Variants in LEAP2 observed in about 807,000 individuals in gnomAD.
The protein encoded by LEAP2 is liver-expressed antimicrobial peptide 2.
In LEAP2, 13 loss-of-function variants were observed where a neutral mutation model predicts 9.3. The ratio of observed to expected loss-of-function variants is 1.39; its 90% CI spans 0.91 to 2.21. The LOEUF is 2.21. Ranked by LOEUF, LEAP2 falls within the 30% of genes most tolerant of loss-of-function variation. The pLI is 0.00. For synonymous variants in LEAP2, 34 were observed against 34.9 expected (o/e 0.98, Z 0.09); for missense variants, 98 against 94.0 (o/e 1.04, Z -0.17).
chr5:132,873,687 CT>C lies in LEAP2; in HGVS notation c.-7del. 6.3e-7 allele frequency: 1 copy of C among 1,592,628 alleles called. No homozygotes were observed. ...GCTTTCAGGCTCCAACATCCTCCCCCTGTCAAGATGTGGCACCTCAAACTTT... is the reference window on the plus strand; with the variant it reads ...GCTTTCAGGCTCCAACATCCTCCCCCGTCAAGATGTGGCACCTCAAACTTT... On this transcript the variant is annotated 5_prime_UTR_variant, in exon 1 of 3. Coordinates refer to ENST00000296877, the MANE Select transcript of LEAP2 (RefSeq NM_052971.3).
chr5:132,873,864 A>G, intron 1 of LEAP2, 86 bp from the exon 2 acceptor site: 1 of 1,591,634 alleles, frequency 6.3e-7, no homozygotes, highest in Non-Finnish European at 8.6e-7. Flanking sequence ...CTGAGTCTAC[A>G]GCATCTGCGG....
At chr5:132,874,167 G>A (rs1448029560) in intron 2 of LEAP2, 78 bp downstream of exon 2, 2 of 1,448,050 alleles carry the variant, frequency 1.4e-6, no homozygotes, top group South Asian at 1.3e-5. Context: ...GGGGACACAT[G>A]AACCTAAGAA....
In LEAP2 at chr5:132,874,458, G is replaced by A; in HGVS notation, c.*12G>A. ...TGGCCCAGGAATGATGTACATACCA[G>A]GGAAAGAAAGGACAGCAGTCACCTC... On this transcript the variant is annotated 3_prime_UTR_variant, in exon 3 of 3. Transcript: ENST00000296877. 1.2e-6 allele frequency: 2 copies of A among 1,611,516 alleles called. No individual in the cohort carries two copies. The highest frequency in any genetic ancestry group is 1.7e-6 in the Non-Finnish European group (2 of 1,177,676).
At position 132,873,964 on chromosome 5, in the gene LEAP2, A is replaced by G; in HGVS notation, c.72A>G (p.Pro24=). Residue 24 remains proline (P), a synonymous_variant, in exon 2 of 3, where the codon CCA becomes CCG. Transcript: ENST00000296877. ...TGCCCTTACAGATAGATGGCTCCCC[A>G]ATACCAGAAGTGAGTTCGGCAAAGA... The part of the protein sequence containing the change: ...LLLLGQIDGS[P]IPEVSSAKRR... 6.2e-7 allele frequency: 1 copy of G among 1,614,170 alleles called. No homozygotes were observed.
chr5:132,874,173 A>C lies in LEAP2; in HGVS notation c.197+84A>C, dbSNP rs1173056208. 2.1e-6 allele frequency: 3 copies of C among 1,429,962 alleles called. No individual in the cohort carries two copies. In the African/African-American group the frequency reaches 4.3e-5, roughly 20 times the overall value. 88.6% of individuals were successfully genotyped at this position (1,429,962 alleles called of 1,614,324 possible). A position where few individuals can be genotyped will look rare whatever the true frequency, so the allele number is the denominator to read the frequency against. ...GAGTGACAAGGGGACACATGAACCT[A>C]AGAATAAAGCTGGGATGGAGGAGTT... On this transcript the variant is annotated intron_variant, in intron 2 of 2. Coordinates refer to ENST00000296877, the MANE Select transcript of LEAP2 (RefSeq NM_052971.3).
At position 132,874,596 on chromosome 5, in the gene LEAP2, T is replaced by C. The variant is rs1191622717; in HGVS notation, c.*150T>C. 1.4e-6 allele frequency: 1 copy of C among 737,178 alleles called. No individual in the cohort carries two copies. Among genetic ancestry groups the C allele is most frequent in the Non-Finnish European group, 2.4e-6 (1 of 410,822 alleles). 45.7% of individuals were successfully genotyped at this position (737,178 alleles called of 1,614,324 possible). A position where few individuals can be genotyped will look rare whatever the true frequency, so the allele number is the denominator to read the frequency against. On this transcript the variant is annotated 3_prime_UTR_variant, in exon 3 of 3. Coordinates refer to ENST00000296877, the MANE Select transcript of LEAP2 (RefSeq NM_052971.3). ...AAGGCAGATGTACGCTTTAAATTGG[T>C]CTCCATTTCTTCTTAGAATGTTGAT...
chr5:132,874,274 GA>G (rs1759785298), intron 2 of LEAP2, 135 bp from the exon 3 acceptor site: 2 of 977,284 alleles, frequency 2.0e-6, no homozygotes, highest in Non-Finnish European at 3.2e-6. Context: ...TGGGTACCAT[GA>G]AAGAGTGGTG....
chr5:132,873,995 C>T lies in LEAP2; in HGVS notation c.103C>T (p.Pro35Ser). Reference protein sequence around the residue: ...IPEVSSAKRRPRRMTPFWRGV... With the variant: ...IPEVSSAKRRSRRMTPFWRGV... Reference sequence around the variant, plus strand: ...AGAAGTGAGTTCGGCAAAGAGAAGGCCACGGAGAATGACCCCATTTTGGAG... The same window carrying T: ...AGAAGTGAGTTCGGCAAAGAGAAGGTCACGGAGAATGACCCCATTTTGGAG... Residue 35 changes from proline to serine, a missense_variant, in exon 2 of 3, where the codon CCA becomes TCA. Pro to Ser is a moderately conservative substitution (Grantham distance 74). Transcript: ENST00000296877. The T allele has an allele frequency of 6.2e-7, 1 of 1,614,102 alleles. No individual in the cohort carries two copies. The highest frequency in any genetic ancestry group is 8.5e-7 in the Non-Finnish European group (1 of 1,179,988).
At position 132,874,635 on chromosome 5, in the gene LEAP2, T is replaced by C. The variant is rs919679681; in HGVS notation, c.*189T>C. The C allele has an allele frequency of 2.2e-5, 15 of 676,090 alleles. No homozygotes were observed. Among genetic ancestry groups the C allele is most frequent in the African/African-American group, 2.0e-4 (11 of 55,900 alleles). 41.9% of individuals were successfully genotyped at this position (676,090 alleles called of 1,614,324 possible). The stretch of plus-strand genomic sequence containing the variant: ...TAGAATGTTGATATATGGATAAGCA[T>C]AACTAAACTTGTCAATTTAGAGTTT... On this transcript the variant is annotated 3_prime_UTR_variant, in exon 3 of 3. Coordinates refer to ENST00000296877, the MANE Select transcript of LEAP2 (RefSeq NM_052971.3).
chr5:132,874,595 GT>G lies in LEAP2; in HGVS notation c.*150del, dbSNP rs1320226101. On this transcript the variant is annotated 3_prime_UTR_variant, in exon 3 of 3. Transcript: ENST00000296877. ...AAAGGCAGATGTACGCTTTAAATTG[GT>G]CTCCATTTCTTCTTAGAATGTTGAT... 2.7e-6 allele frequency: 2 copies of G among 741,916 alleles called. No individual in the cohort carries two copies. The highest frequency in any genetic ancestry group is 4.8e-6 in the Non-Finnish European group (2 of 414,880). The allele number at this position is 741,916 out of a possible 1,614,324, so 46.0% of individuals were successfully genotyped here.
At position 132,874,405 on chromosome 5, in the gene LEAP2, C is replaced by G; in HGVS notation, c.198-5C>G. The G allele has an allele frequency of 6.2e-7, 1 of 1,613,122 alleles. No individual in the cohort carries two copies. The highest frequency in any genetic ancestry group is 8.5e-7 in the Non-Finnish European group (1 of 1,179,124). On this transcript the variant is annotated splice_region_variant and splice_polypyrimidine_tract_variant and intron_variant, in intron 2 of 2. Coordinates refer to ENST00000296877, the MANE Select transcript of LEAP2 (RefSeq NM_052971.3). ...CTTAAAAAACTACCCTTTCTTTTCC[C>G]CTAGAAAAAGACGCTGTTCCTTAAG...
rs753589859 is a variant in LEAP2, at chr5:132,874,445, G to A, written c.233G>A (p.Ter78=). 24 of 1,613,448 alleles carry A rather than the reference G, an allele frequency of 1.5e-5. No individual in the cohort carries two copies. The South Asian group carries it at 2.6e-4, about 18-fold the overall frequency. Reference sequence around the variant, plus strand: ...TGTTCCTTAAGTGTGGCCCAGGAATGATGTACATACCAGGGAAAGAAAGGA... The same window carrying A: ...TGTTCCTTAAGTGTGGCCCAGGAATAATGTACATACCAGGGAAAGAAAGGA... ...RRCSLSVAQE[*] Residue 78 remains the stop codon, a stop_retained_variant, in exon 3 of 3, where the codon TGA becomes TAA. Coordinates refer to ENST00000296877, the MANE Select transcript of LEAP2 (RefSeq NM_052971.3).
rs1190183915 is a variant in LEAP2, at chr5:132,874,731, AAAG to A, written c.*289_*291del. ...AGTCTGGAATTCAAGCTTTTGAGGGAAAGAAGGATTCATTTTGTATACTAAAGA... is the reference window on the plus strand; with the variant it reads ...AGTCTGGAATTCAAGCTTTTGAGGGAAAGGATTCATTTTGTATACTAAAGA... On this transcript the variant is annotated 3_prime_UTR_variant, in exon 3 of 3. Coordinates refer to ENST00000296877, the MANE Select transcript of LEAP2 (RefSeq NM_052971.3). The A allele has an allele frequency of 3.7e-6, 2 of 545,658 alleles. No individual in the cohort carries two copies. Among genetic ancestry groups the A allele is most frequent in the Non-Finnish European group, 6.6e-6 (2 of 304,644 alleles). 33.8% of individuals were successfully genotyped at this position (545,658 alleles called of 1,614,324 possible).
intron 1 of LEAP2, 71 bp from the exon 2 acceptor site, chr5:132,873,879 G>C (rs1759776034): frequency 6.2e-7 from 1 of 1,600,774 alleles, no homozygotes; most frequent in African/African-American, 1.3e-5. Context: ...CTGCGGAATG[G>C]AATGATCACT....
rs771579408 is a variant in LEAP2, at chr5:132,874,070, T to G, written c.178T>G (p.Cys60Gly). ...IGASCRDDSE[C>G]ITRLCRKRRC... ...AGCCTCCTGCCGGGATGATTCTGAG[T>G]GTATCACAAGGCTATGCAGGTACTC... is the stretch of plus-strand genomic sequence containing the variant. The change falls in exon 2 of 3, where the codon TGT (cysteine) becomes GGT (glycine). Residue 60 changes from cysteine (C) to glycine (G), a missense_variant. By Grantham distance (159) the Cys-to-Gly change is radical. Coordinates refer to ENST00000296877, the MANE Select transcript of LEAP2 (RefSeq NM_052971.3). The G allele has an allele frequency of 6.2e-7, 1 of 1,613,792 alleles. No individual in the cohort carries two copies. Among genetic ancestry groups the G allele is most frequent in the East Asian group, 2.2e-5 (1 of 44,854 alleles).
At chr5:132,873,821 C>G in intron 1 of LEAP2, 70 bp downstream of exon 1, 2 of 1,575,962 alleles carry the variant, frequency 1.3e-6, no homozygotes, top group Non-Finnish European at 1.7e-6. Flanking sequence ...AACTTGAAAG[C>G]TAGATTCAGT....
At chr5:132,873,878 G>A (rs982640056) in intron 1 of LEAP2, 72 bp from the exon 2 acceptor site, 60 of 1,599,728 alleles carry the variant, frequency 3.8e-5, no homozygotes, top group Middle Eastern at 3.3e-4. Flanking sequence ...TCTGCGGAAT[G>A]GAATGATCAC....
chr5:132,873,987 AG>A lies in LEAP2; in HGVS notation c.96del (p.Arg33GlufsTer6). On this transcript the variant is annotated frameshift_variant, in exon 2 of 3. Transcript: ENST00000296877. LOFTEE classifies it high-confidence loss of function. Reference protein sequence around the residue: ...GSPIPEVSSAKRRPRRMTPFW... With the variant: ...GSPIPEVSSAXRRPRRMTPFW... ...CCAATACCAGAAGTGAGTTCGGCAA[AG>A]AGAAGGCCACGGAGAATGACCCCAT... 6.2e-7 allele frequency: 1 copy of A among 1,614,174 alleles called. No homozygotes were observed. The highest frequency in any genetic ancestry group is 8.5e-7 in the Non-Finnish European group (1 of 1,180,020).
Position 132,874,519 on chromosome 5 carries a change from G to A in LEAP2, c.*73G>A. 7.2e-7 allele frequency: 1 copy of A among 1,389,592 alleles called. No individual in the cohort carries two copies. The highest frequency in any genetic ancestry group is 1.0e-6 in the Non-Finnish European group (1 of 977,126). The allele number at this position is 1,389,592 out of a possible 1,614,324, so 86.1% of individuals were successfully genotyped here. On this transcript the variant is annotated 3_prime_UTR_variant, in exon 3 of 3. Transcript: ENST00000296877. ...CCGTTCTATGGAATATTGATTAACT[G>A]CATTTTGGCTGGAGACACCCAAGTG... is the stretch of plus-strand genomic sequence containing the variant.
Sources: gnomAD v4.1 joint callset for allele counts on GRCh38, gnomAD v4.1.1 for gene constraint, MANE v1.5 for transcripts, NCBI Gene and HGNC (gene_info 2026-07-23, HGNC 2026-07-21) for gene names.